The following MPV17 variants were observed in gnomAD, a reference collection of about 807,000 sequenced individuals.
MPV17 encodes the protein MPV17, mitochondrial inner membrane protein.
A neutral mutation model predicts 28.6 loss-of-function variants in MPV17; 31 were observed. The ratio of observed to expected loss-of-function variants is 1.08; its 90% CI spans 0.81 to 1.46. MPV17 has a LOEUF of 1.46. Ranked by LOEUF, MPV17 falls within the 40% of genes most tolerant of loss-of-function variation. MPV17 has a pLI of 0.00. For missense variants in MPV17, 198 were observed against 216.2 expected (o/e 0.92, Z 0.53); for synonymous variants, 87 against 85.3 (o/e 1.02, Z -0.11).
In MPV17 at chr2:27,322,534, AGAG is replaced by A. The variant is rs768750840; in HGVS notation, c.-5-15_-5-13del. 1.2e-6 allele frequency: 2 copies of A among 1,612,870 alleles called. No individual in the cohort carries two copies. Among genetic ancestry groups the A allele is most frequent in the South Asian group, 2.2e-5 (2 of 91,068 alleles). On this transcript the variant is annotated splice_polypyrimidine_tract_variant and intron_variant, in intron 1 of 7. Transcript: ENST00000380044. ...GAGTGCCATGCTTCCTGTCAAGCCA[AGAG>A]GAGAGGGGGTCACCCCCACCGTCCC...
rs1279718481 is a variant in MPV17, at chr2:27,317,833, T to C, written c.70+4615A>G. 1.3e-5 allele frequency among the ~76,000 whole-genome samples: 2 copies of C among 152,242 alleles called. No homozygotes were observed. The highest frequency in any genetic ancestry group is 4.8e-5 in the African/African-American group (2 of 41,474). ...ACATACAGTAAACCTTTCCCCAGGC[T>C]ACCTTGTTCTGGACTCTGGCTTGGC... On this transcript the variant is annotated intron_variant, in intron 2 of 7. Transcript: ENST00000380044. This position sits in a 1 kb window ranked among gnomAD's most constrained non-coding sequence, Gnocchi z 4.0.
chr2:27,312,951 C>A (rs1261687169), intron 3 of MPV17, 43 bp downstream of exon 3: 3 of 1,604,946 alleles, frequency 1.9e-6, no homozygotes, highest in Non-Finnish European at 2.6e-6. Context: ...AGAACTAAGA[C>A]CACTGTTGAG....
At chr2:27,311,834 CA>C in intron 7 of MPV17, 64 bp downstream of exon 7, 1 of 1,597,530 alleles carries the variant, frequency 6.3e-7, no homozygotes, top group Non-Finnish European at 8.5e-7. Context: ...AAATGAGAAT[CA>C]TTTTGTCTCC....
At chr2:27,318,556 C>T (rs1388403669) in intron 2 of MPV17, among the ~76,000 whole-genome samples, 1 of 151,150 alleles carries the variant, frequency 6.6e-6, no homozygotes, top group Non-Finnish European at 1.5e-5. Context: ...CGGGACTTCA[C>T]CATGTTGGCC....
Position 27,312,504 on chromosome 2 carries a change from T to C in MPV17, c.365A>G (p.Lys122Arg), listed in dbSNP as rs767352327. The C allele has an allele frequency of 1.2e-6, 2 of 1,614,104 alleles. No homozygotes were observed. The highest frequency in any genetic ancestry group is 3.3e-5 in the Admixed American group (2 of 60,024). Residue 122 changes from lysine (K) to arginine (R), a missense_variant, in exon 5 of 8, where the codon AAA becomes AGA. Coordinates refer to ENST00000380044, the MANE Select transcript of MPV17 (RefSeq NM_002437.5). ...ACCTGCCCAGCTCACCCGCTGTAGT[T>C]TGGCCCAGTTGTCCTGGGCTGACAG... ...NGLSAQDNWA[K>R]LQRDYPDALI... is the part of the protein sequence containing the mutation.
intron 2 of MPV17, among the ~76,000 whole-genome samples, chr2:27,314,836 C>T (rs1024753497): frequency 2.6e-5 from 4 of 152,270 alleles, no homozygotes; most frequent in African/African-American, 7.2e-5. Flanking sequence ...AGAACTGGCT[C>T]TGACGTCCAT....
chr2:27,319,471 C>G (rs1679775123), intron 2 of MPV17, among the ~76,000 whole-genome samples: 1 of 142,684 alleles, frequency 7.0e-6, no homozygotes, highest in African/African-American at 2.6e-5. Flanking sequence ...GTGGCATAGT[C>G]ACAGTTCAGG....
Position 27,309,581 on chromosome 2 carries a change from A to G in MPV17, c.*331T>C. On this transcript the variant is annotated 3_prime_UTR_variant, in exon 8 of 8. Transcript: ENST00000380044. The stretch of plus-strand genomic sequence containing the variant: ...AAAGAGCTGGAGCTACAAGAAGCCT[A>G]GGCAGGGTTAGAGTAACAAATGTGT... 1.8e-6 allele frequency: 1 copy of G among 544,208 alleles called. No individual in the cohort carries two copies. Among genetic ancestry groups the G allele is most frequent in the South Asian group, 2.3e-5 (1 of 43,492 alleles). 33.7% of individuals were successfully genotyped at this position (544,208 alleles called of 1,614,324 possible).
intron 2 of MPV17, chr2:27,313,366 G>T (rs1679533754): frequency 1.4e-6 from 1 of 701,258 alleles, no homozygotes; most frequent in Non-Finnish European, 2.3e-6. Context: ...AGCAGTAAAG[G>T]GAAGTCAGAG....
rs565859345 is a variant in MPV17, at chr2:27,314,254, C to G, written c.71-1145G>C. On this transcript the variant is annotated intron_variant, in intron 2 of 7. Coordinates refer to ENST00000380044, the MANE Select transcript of MPV17 (RefSeq NM_002437.5). ...CTGAAGTAGGAGGACTGTTTGAGCC[C>G]AGGAGGTCCAGGCTGCAGTGATCAC... Among the ~76,000 whole-genome samples the G allele has an allele frequency of 2.0e-5, 3 of 152,230 alleles. No homozygotes were observed. The South Asian group carries it at 6.2e-4, about 32-fold the overall frequency.
rs559746258 is a variant in MPV17, at chr2:27,312,322, A to G, written c.376-76T>C. 2.6e-6 allele frequency: 4 copies of G among 1,536,754 alleles called. No individual in the cohort carries two copies. The South Asian group carries it at 3.4e-5, about 13-fold the overall frequency. ...CCACTTCCCAGTATGAATGTCACAC[A>G]CAGACTTGGGTTCAAAGAGCACATT... On this transcript the variant is annotated intron_variant, in intron 5 of 7. Transcript: ENST00000380044.
intron 4 of MPV17, 27 bp downstream of exon 4, chr2:27,312,653 C>T (rs374305348): frequency 6.2e-7 from 1 of 1,613,320 alleles, no homozygotes; most frequent in Non-Finnish European, 8.5e-7. Flanking sequence ...ACACAGCTCA[C>T]CCTCCCCACT....
Position 27,317,137 on chromosome 2 carries a change from G to A in MPV17, c.71-4028C>T. 2 of 1,550,284 alleles carry A rather than the reference G, an allele frequency of 1.3e-6. No individual in the cohort carries two copies. The highest frequency in any genetic ancestry group is 2.4e-5 in the South Asian group (2 of 84,040). ...GAGGGGCAAGAAGTGGCTTCTTGGA[G>A]TGAGGAGCAGGAAGCGTGTCCTTCA... On this transcript the variant is annotated intron_variant, in intron 2 of 7. Transcript: ENST00000380044. This position sits in a 1 kb window ranked among gnomAD's most constrained non-coding sequence, Gnocchi z 4.0.
chr2:27,312,063 G>T (rs771867388), intron 6 of MPV17, 112 bp from the exon 7 acceptor site: 29 of 1,467,342 alleles, frequency 2.0e-5, no homozygotes, highest in African/African-American at 2.8e-5. Context: ...TGAACAGTTG[G>T]GTGATGGCTT....
At chr2:27,313,527 A>C in intron 2 of MPV17, 2 of 393,808 alleles carry the variant, frequency 5.1e-6, no homozygotes, top group South Asian at 2.6e-5. Flanking sequence ...ATAACCAGTA[A>C]GTGCAGGGCC....
At chr2:27,318,235 A>T (rs201189924) in intron 2 of MPV17, among the ~76,000 whole-genome samples, 1 of 151,822 alleles carries the variant, frequency 6.6e-6, no homozygotes, top group Admixed American at 6.6e-5. Context: ...CACCCAGCTA[A>T]TTTTGTATTT....
Position 27,311,905 on chromosome 2 carries a change from T to A in MPV17, c.455A>T (p.His152Leu). The part of the protein sequence containing the change: ...QLANFYLVPL[H>L]YRLAVVQCVA... ...GGGTAGGGGTGCAACATACCTGTAA[T>A]GAAGGGGGACCAGGTAGAAGTTGGC... is the stretch of plus-strand genomic sequence containing the variant. The change falls in exon 7 of 8, where the codon CAT (histidine) becomes CTT (leucine). Residue 152 changes from histidine (H) to leucine (L), a missense_variant. His to Leu is a moderately conservative substitution (Grantham distance 99, BLOSUM62 -3). Coordinates refer to ENST00000380044, the MANE Select transcript of MPV17 (RefSeq NM_002437.5). The A allele has an allele frequency of 6.2e-7, 1 of 1,613,698 alleles. No individual in the cohort carries two copies. The highest frequency in any genetic ancestry group is 2.2e-5 in the East Asian group (1 of 44,878).
Position 27,313,013 on chromosome 2 carries a change from G to T in MPV17, c.167C>A (p.Ser56Tyr), listed in dbSNP as rs563621997. ...ACTTACCACAAAGCCACAGCCCAGG[G>T]ACACCATGGTCAGAGTCCGGCCTCT... is the stretch of plus-strand genomic sequence containing the variant. ...HQRGRTLTMVSLGCGFVGPVV... is the reference protein window; with the variant it reads ...HQRGRTLTMVYLGCGFVGPVV... The change falls in exon 3 of 8, where the codon TCC becomes TAC. Residue 56 changes from serine to tyrosine, a missense_variant. By Grantham distance (144) the Ser-to-Tyr change is moderately radical. Coordinates refer to ENST00000380044, the MANE Select transcript of MPV17 (RefSeq NM_002437.5). 2 of 1,614,150 alleles carry T rather than the reference G, an allele frequency of 1.2e-6. No homozygotes were observed. Among genetic ancestry groups the T allele is most frequent in the African/African-American group, 2.7e-5 (2 of 75,018 alleles).
chr2:27,322,714 G>C (rs900522767), intron 1 of MPV17, 192 bp from the exon 2 acceptor site: 2 of 613,228 alleles, frequency 3.3e-6, no homozygotes, highest in Non-Finnish European at 5.8e-6. Flanking sequence ...TTGGGGAAGA[G>C]AGAAAGGCTG....
Sources: allele counts gnomAD v4.1 joint callset (sites outside exome capture counted in the v4.1 genomes callset), GRCh38; gene constraint gnomAD v4.1.1; non-coding constraint Gnocchi (gnomAD v3.1); transcripts MANE v1.5; gene names NCBI Gene and HGNC (gene_info 2026-07-23, HGNC 2026-07-21).